DPYD: variants seen among roughly 807,000 people sequenced by gnomAD.
DPYD encodes the protein dihydropyrimidine dehydrogenase [NADP(+)].
A neutral mutation model predicts 116.2 loss-of-function variants in DPYD; 109 were observed. The observed-to-expected ratio is 0.94, with a 90% CI of 0.80 to 1.10. The LOEUF (loss-of-function observed/expected upper bound fraction) is 1.10. Ranked by LOEUF, DPYD falls within the 50% of genes least tolerant of loss-of-function variation. The pLI, the probability that DPYD is intolerant of heterozygous loss-of-function variation, is 0.00. For missense variants in DPYD, 1,302 were observed against 1,254.5 expected (o/e 1.04, Z -0.57); for synonymous variants, 440 against 432.0 (o/e 1.02, Z -0.23).
rs544905665 is a variant in DPYD, at chr1:97,234,773, A to AT, written c.2442+78dup. 8,921 of 1,322,582 alleles carry AT rather than the reference A, an allele frequency of 6.7e-3. 25 individuals carry two copies. The highest frequency in any genetic ancestry group is 0.034 in the African/African-American group (2,284 of 67,822). 81.9% of individuals were successfully genotyped at this position (1,322,582 alleles called of 1,614,324 possible). A position where few individuals can be genotyped will look rare whatever the true frequency, so the allele number is the denominator to read the frequency against. On this transcript the variant is annotated intron_variant, in intron 19 of 22. Coordinates refer to ENST00000370192, the MANE Select transcript of DPYD (RefSeq NM_000110.4). ...TTTCAAGAGGCCCAAAAACGAATCT[A>AT]TTTTTTTTTTGTCACATAACTTACA... is the stretch of plus-strand genomic sequence containing the variant.
intron 2 of DPYD, among the ~76,000 whole-genome samples, chr1:97,860,351 G>A (rs908429727): frequency 1.3e-5 from 2 of 151,872 alleles, no homozygotes; most frequent in African/African-American, 4.8e-5. Flanking sequence ...TACTTACTAC[G>A]GGAAAACAAT....
chr1:97,852,455 CA>C (rs1670622842), intron 2 of DPYD, among the ~76,000 whole-genome samples: 1 of 152,046 alleles, frequency 6.6e-6, no homozygotes, highest in African/African-American at 2.4e-5. Flanking sequence ...TTCCAAAATT[CA>C]GTTTTCCCAT....
chr1:97,776,364 G>A (rs953056012), intron 3 of DPYD, among the ~76,000 whole-genome samples: 13 of 151,948 alleles, frequency 8.6e-5, no homozygotes, highest in Admixed American at 2.0e-4. Context: ...CTAAAATTAC[G>A]CCAAGGTGTG....
At chr1:97,267,206 T>C (rs1570796092) in intron 18 of DPYD, among the ~76,000 whole-genome samples, 1 of 152,200 alleles carries the variant, frequency 6.6e-6, no homozygotes, top group Non-Finnish European at 1.5e-5. Context: ...TTCCTGACTT[T>C]TTAATGACTG....
intron 2 of DPYD, among the ~76,000 whole-genome samples, chr1:97,837,662 T>G: frequency 6.6e-6 from 1 of 152,162 alleles, no homozygotes; most frequent in Non-Finnish European, 1.5e-5. Flanking sequence ...TAATTCATAT[T>G]TCCCAGAATA....
At chr1:97,509,786 G>T (rs1647637342) in intron 13 of DPYD, among the ~76,000 whole-genome samples, 1 of 151,848 alleles carries the variant, frequency 6.6e-6, no homozygotes, top group Admixed American at 6.6e-5. Flanking sequence ...AAAGACCTAA[G>T]GCAGGTCCTA....
At chr1:97,789,006 G>A (rs930909783) in intron 3 of DPYD, among the ~76,000 whole-genome samples, 5 of 152,014 alleles carry the variant, frequency 3.3e-5, no homozygotes, top group Non-Finnish European at 5.9e-5. Context: ...GTTTCACCAC[G>A]TTACCCAGGC....
chr1:97,620,697 T>C (rs1340936323), intron 8 of DPYD, among the ~76,000 whole-genome samples: 1 of 152,198 alleles, frequency 6.6e-6, no homozygotes, highest in Non-Finnish European at 1.5e-5. Context: ...ATTTTATAAA[T>C]TCTATTCGTA....
intron 3 of DPYD, among the ~76,000 whole-genome samples, chr1:97,746,619 G>A (rs1664570982): frequency 6.6e-6 from 1 of 151,986 alleles, no homozygotes; most frequent in Admixed American, 6.6e-5. Context: ...ATAGGCTTTT[G>A]GTATACAGTG....
chr1:97,877,308 C>T (rs983347023), intron 2 of DPYD, among the ~76,000 whole-genome samples: 1 of 151,900 alleles, frequency 6.6e-6, no homozygotes, highest in Non-Finnish European at 1.5e-5. Context: ...TACCTCACAG[C>T]CCACACTTGC....
At chr1:97,720,063 C>T (rs1662831378) in intron 5 of DPYD, 1 of 984,676 alleles carries the variant, frequency 1.0e-6, no homozygotes, top group Non-Finnish European at 1.2e-6. Flanking sequence ...TAAGAGTTCC[C>T]AGAGGGACAG....
At chr1:97,195,634 G>GTATGTGTGTA (rs1557929548) in intron 19 of DPYD, among the ~76,000 whole-genome samples, 1 of 57,734 alleles carries the variant, frequency 1.7e-5, no homozygotes, top group African/African-American at 6.3e-5. Flanking sequence ...ATATGTATGT[G>GTATGTGTGTA]TATATATATA....
At chr1:97,745,472 T>C (rs995584440) in intron 3 of DPYD, among the ~76,000 whole-genome samples, 2 of 152,062 alleles carry the variant, frequency 1.3e-5, no homozygotes, top group African/African-American at 4.8e-5. Context: ...ATGCTCAAAA[T>C]TATTTGTTGG....
At chr1:97,709,912 A>G (rs2100998771) in intron 5 of DPYD, among the ~76,000 whole-genome samples, 1 of 151,892 alleles carries the variant, frequency 6.6e-6, no homozygotes, top group East Asian at 1.9e-4. Context: ...AACAATAGCA[A>G]ATATATACCA....
intron 3 of DPYD, among the ~76,000 whole-genome samples, chr1:97,742,561 T>C (rs1664328305): frequency 6.6e-6 from 1 of 152,128 alleles, no homozygotes; most frequent in African/African-American, 2.4e-5. Context: ...TTAACGTTTT[T>C]TCCCCGAAAC....
intron 8 of DPYD, among the ~76,000 whole-genome samples, chr1:97,653,180 G>A (rs141149201): frequency 5.9e-5 from 9 of 152,064 alleles, no homozygotes; most frequent in African/African-American, 1.7e-4. Context: ...ATTCTTTACC[G>A]AAGGACAAGT....
At chr1:97,154,764 G>A (rs1271208304) in intron 20 of DPYD, among the ~76,000 whole-genome samples, 2 of 151,884 alleles carry the variant, frequency 1.3e-5, no homozygotes. Flanking sequence ...TGAGAGGGGG[G>A]TGAGGGATAA....
At chr1:97,308,570 G>A (rs1365800094) in intron 16 of DPYD, 1 of 151,780 alleles carries the variant, frequency 6.6e-6, no homozygotes, top group Non-Finnish European at 1.5e-5. Context: ...ATGTGGTGAG[G>A]TCAATAACAT....
chr1:97,447,276 G>A (rs1044173091), intron 14 of DPYD, among the ~76,000 whole-genome samples: 7 of 152,180 alleles, frequency 4.6e-5, no homozygotes, highest in Non-Finnish European at 2.9e-5. Flanking sequence ...CCATGCACTC[G>A]AGAATGATGT....
Sources: allele counts gnomAD v4.1 joint callset (sites outside exome capture counted in the v4.1 genomes callset), GRCh38; gene constraint gnomAD v4.1.1; transcripts MANE v1.5; gene names NCBI Gene and HGNC (gene_info 2026-07-23, HGNC 2026-07-21).